Variants in MATN2 observed in about 807,000 individuals in gnomAD.
The protein encoded by MATN2 is matrilin-2.
Under a neutral mutation model 103.2 loss-of-function variants are expected in MATN2, and 69 were observed. The ratio of observed to expected loss-of-function variants is 0.67; its 90% CI spans 0.55 to 0.82. The LOEUF (loss-of-function observed/expected upper bound fraction) is 0.82. Among genes scored for constraint, MATN2 ranks in the 40% least tolerant of loss-of-function variants. The pLI is 0.00. For synonymous variants in MATN2, 429 were observed against 450.2 expected, an observed-to-expected ratio of 0.95 and a Z score of 0.60; for missense variants, 1,023 against 1,211.5, an observed-to-expected ratio of 0.84 and a Z score of 2.31.
intron 4 of MATN2, among the ~76,000 whole-genome samples, chr8:97,950,166 A>G (rs1241543951): frequency 6.6e-6 from 1 of 152,188 alleles, no homozygotes; most frequent in Non-Finnish European, 1.5e-5. Flanking sequence ...GCCAGTTGTC[A>G]CTCAATAAAG....
intron 3 of MATN2, among the ~76,000 whole-genome samples, chr8:97,937,947 G>A (rs1412831867): frequency 6.6e-6 from 1 of 152,168 alleles, no homozygotes; most frequent in Non-Finnish European, 1.5e-5. Flanking sequence ...CAAGGTCATA[G>A]GGAGTGGCGA....
intron 2 of MATN2, among the ~76,000 whole-genome samples, chr8:97,911,109 C>T (rs1809414454): frequency 6.6e-6 from 1 of 152,146 alleles, no homozygotes; most frequent in African/African-American, 2.4e-5. Context: ...CTGCCTCAGC[C>T]TCCAGAGTAG....
chr8:97,930,993 CATT>C lies in MATN2; in HGVS notation c.184_186del (p.Ile62del). On this transcript the variant is annotated inframe_deletion, in exon 3 of 19. Coordinates refer to ENST00000254898, the MANE Select transcript of MATN2 (RefSeq NM_002380.5). ...ACAAGCGGGCAGACCTGGTTTTCATCATTGACAGCTCTCGCAGTGTCAACACCC... is the reference window on the plus strand; with the variant it reads ...ACAAGCGGGCAGACCTGGTTTTCATCGACAGCTCTCGCAGTGTCAACACCC... 6.2e-7 allele frequency: 1 copy of C among 1,613,326 alleles called. No individual in the cohort carries two copies. The highest frequency in any genetic ancestry group is 8.5e-7 in the Non-Finnish European group (1 of 1,179,488).
intron 6 of MATN2, among the ~76,000 whole-genome samples, chr8:97,988,189 T>TATATATATATACAC (rs71570279): frequency 1.3e-4 from 7 of 54,964 alleles, no homozygotes; most frequent in African/African-American, 4.7e-4. Flanking sequence ...TATATATATA[T>TATATATATATACAC]ACACACACAC....
chr8:98,000,605 A>AAAAAAAAAAAAAAAAAG, intron 7 of MATN2, among the ~76,000 whole-genome samples: 1 of 62,272 alleles, frequency 1.6e-5, no homozygotes. Context: ...TCAAAAAAAA[A>AAAAAAAAAAAAAAAAAG]AAAAAGAAAT....
intron 2 of MATN2, among the ~76,000 whole-genome samples, chr8:97,902,103 T>C (rs1586394647): frequency 6.6e-6 from 1 of 151,744 alleles, no homozygotes. Context: ...GCTCAAGCAA[T>C]CCTCCTGCCT....
chr8:97,872,665 C>G (rs1449618514), intron 1 of MATN2, among the ~76,000 whole-genome samples: 1 of 152,142 alleles, frequency 6.6e-6, no homozygotes, highest in Non-Finnish European at 1.5e-5. Context: ...ATCCTCAAAG[C>G]CAGTAACAGC....
At chr8:97,980,895 G>C (rs1811998314) in intron 6 of MATN2, among the ~76,000 whole-genome samples, 1 of 152,070 alleles carries the variant, frequency 6.6e-6, no homozygotes, top group South Asian at 2.1e-4. Context: ...TACTAAATGA[G>C]GCTGGGCACA....
At chr8:97,875,172 C>A (rs890698388) in intron 1 of MATN2, among the ~76,000 whole-genome samples, 1 of 152,148 alleles carries the variant, frequency 6.6e-6, no homozygotes, top group African/African-American at 2.4e-5. Flanking sequence ...ATGTAGACAT[C>A]TTTGGAGGGC....
chr8:97,910,562 G>C (rs1809379510), intron 2 of MATN2, among the ~76,000 whole-genome samples: 2 of 152,196 alleles, frequency 1.3e-5, no homozygotes, highest in African/African-American at 4.8e-5. Context: ...GTACCAGGTT[G>C]CTGGGAATGT....
intron 4 of MATN2, among the ~76,000 whole-genome samples, chr8:97,952,640 A>C (rs116400265): frequency 0.012 from 1,872 of 152,302 alleles, 48 homozygotes; most frequent in African/African-American, 0.041. Flanking sequence ...TCTTGGCAGC[A>C]AATCTTCACT....
intron 2 of MATN2, among the ~76,000 whole-genome samples, chr8:97,924,743 A>C (rs1366285953): frequency 1.4e-5 from 2 of 145,902 alleles, no homozygotes. Flanking sequence ...TTTTTTCAGC[A>C]CTTGGCAGGA....
rs1441517000 is a variant in MATN2 at position 97,961,539 on chromosome 8, C to G, written c.958+9C>G. 6.2e-7 allele frequency: 1 copy of G among 1,607,336 alleles called. No individual in the cohort carries two copies. ...TGGGAAGAGGTGTGTGGGTGAGTAT[C>G]CCTCCAGCTGGGCTTGGTAGGGAAG... On this transcript the variant is annotated intron_variant, in intron 5 of 18. Coordinates refer to ENST00000254898, the MANE Select transcript of MATN2 (RefSeq NM_002380.5).
chr8:97,938,984 C>T (rs1269592017), intron 3 of MATN2, among the ~76,000 whole-genome samples: 1 of 152,126 alleles, frequency 6.6e-6, no homozygotes, highest in Non-Finnish European at 1.5e-5. Context: ...ATTCTCCCGC[C>T]TCAGCCTCCC....
intron 7 of MATN2, among the ~76,000 whole-genome samples, chr8:97,996,241 C>G (rs1167205076): frequency 1.3e-5 from 2 of 152,226 alleles, no homozygotes; most frequent in African/African-American, 4.8e-5. Flanking sequence ...TACCAACCAT[C>G]TGAGTCCCTT....
intron 1 of MATN2, among the ~76,000 whole-genome samples, chr8:97,870,183 GT>G (rs1817844699): frequency 6.6e-6 from 1 of 152,114 alleles, no homozygotes; most frequent in Non-Finnish European, 1.5e-5. Flanking sequence ...TTCCTCATCT[GT>G]CTAATGAGGA....
At chr8:97,880,081 TTC>T (rs1430074439) in intron 1 of MATN2, among the ~76,000 whole-genome samples, 45 of 91,282 alleles carry the variant, frequency 4.9e-4, no homozygotes, top group African/African-American at 2.0e-3. Flanking sequence ...AAATCTTTCT[TTC>T]TTTTTTTTTT....
intron 4 of MATN2, among the ~76,000 whole-genome samples, chr8:97,953,277 A>C (rs1047081096): frequency 6.6e-6 from 1 of 152,160 alleles, no homozygotes; most frequent in African/African-American, 2.4e-5. Context: ...ATTTGGTTGA[A>C]GTTCAACTCT....
intron 5 of MATN2, 121 bp from the exon 6 acceptor site, chr8:97,978,765 A>T: frequency 1.0e-6 from 1 of 963,268 alleles, no homozygotes; most frequent in African/African-American, 1.6e-5. Context: ...TGTTTATCCT[A>T]CTCTTTTGGG....
Sources: allele counts gnomAD v4.1 joint callset (sites outside exome capture counted in the v4.1 genomes callset), GRCh38; gene constraint gnomAD v4.1.1; transcripts MANE v1.5; gene names NCBI Gene and HGNC (gene_info 2026-07-23, HGNC 2026-07-21).